NR6A1: variants seen among roughly 807,000 people sequenced by gnomAD.
NR6A1 encodes the protein retinoic acid receptor-related testis-associated receptor.
In NR6A1, 7 loss-of-function variants were observed where a neutral mutation model predicts 59.1. The observed-to-expected ratio is 0.12, with a 90% CI of 0.07 to 0.22. The LOEUF (loss-of-function observed/expected upper bound fraction) is 0.22, where lower values mean the gene tolerates loss of function less well. NR6A1 is among the 10% of genes least tolerant of loss of function. The probability of loss-of-function intolerance (pLI) is 1.00; values close to 1 mark genes in which losing one functional copy is unlikely to be tolerated. For synonymous variants in NR6A1, 243 were observed against 236.1 expected (o/e 1.03, Z -0.27); for missense variants, 468 against 611.6 (o/e 0.77, Z 2.48).
At chr9:124,683,524 T>C (rs1371816583) in intron 2 of NR6A1, among the ~76,000 whole-genome samples, 2 of 152,250 alleles carry the variant, frequency 1.3e-5, no homozygotes, top group Non-Finnish European at 2.9e-5. Flanking sequence ...CCGGGTGTGG[T>C]GGCTCATGCC....
chr9:124,732,897 A>G (rs771222850), intron 2 of NR6A1, among the ~76,000 whole-genome samples: 22 of 152,048 alleles, frequency 1.4e-4, no homozygotes, highest in Non-Finnish European at 2.9e-4. Flanking sequence ...GGGTTTCACT[A>G]TGTTGGCCAA....
intron 2 of NR6A1, chr9:124,598,708 T>C (rs1390850848): frequency 1.4e-6 from 1 of 733,798 alleles, no homozygotes; most frequent in Non-Finnish European, 2.2e-6. Flanking sequence ...AGACGATTTA[T>C]TGTTTCTCCT....
At chr9:124,632,961 A>G (rs994557869) in intron 2 of NR6A1, among the ~76,000 whole-genome samples, 2 of 152,218 alleles carry the variant, frequency 1.3e-5, no homozygotes, top group Non-Finnish European at 2.9e-5. Flanking sequence ...ACAATGCTCT[A>G]GATTATCTGA....
chr9:124,551,316 C>G (rs1003546895), intron 3 of NR6A1, among the ~76,000 whole-genome samples: 1 of 152,190 alleles, frequency 6.6e-6, no homozygotes, highest in Non-Finnish European at 1.5e-5. Flanking sequence ...ATTTTTAAAT[C>G]TATCTGAAAC....
chr9:124,628,722 C>T (rs1298727477), intron 2 of NR6A1, among the ~76,000 whole-genome samples: 2 of 151,846 alleles, frequency 1.3e-5, no homozygotes, highest in African/African-American at 2.4e-5. Context: ...CTCACTGCAA[C>T]CTCCGCCTCC....
intron 6 of NR6A1, among the ~76,000 whole-genome samples, chr9:124,537,618 T>C (rs994710454): frequency 2.6e-5 from 4 of 152,124 alleles, no homozygotes; most frequent in Non-Finnish European, 5.9e-5. Flanking sequence ...GACTAAAGAC[T>C]GAAAGAATAC....
chr9:124,735,789 G>C (rs1263092312), intron 1 of NR6A1, among the ~76,000 whole-genome samples: 1 of 152,186 alleles, frequency 6.6e-6, no homozygotes, highest in Non-Finnish European at 1.5e-5. Context: ...AGATCAAGAT[G>C]CTGGTAGATT....
chr9:124,666,952 T>C (rs1837640276), intron 2 of NR6A1, among the ~76,000 whole-genome samples: 1 of 152,184 alleles, frequency 6.6e-6, no homozygotes, highest in South Asian at 2.1e-4. Context: ...TTTGCCTGTG[T>C]CTAGCATAGC....
chr9:124,680,891 G>A (rs1210022745), intron 2 of NR6A1, among the ~76,000 whole-genome samples: 2 of 152,154 alleles, frequency 1.3e-5, no homozygotes, highest in African/African-American at 2.4e-5. Context: ...GTCAATGCTG[G>A]GTTAAACTGC....
At chr9:124,535,822 C>G in intron 7 of NR6A1, 56 bp downstream of exon 7, 1 of 1,599,406 alleles carries the variant, frequency 6.3e-7, no homozygotes, top group Non-Finnish European at 8.5e-7. Context: ...CTCTGCCTTA[C>G]AGGGATGACA....
intron 2 of NR6A1, among the ~76,000 whole-genome samples, chr9:124,687,994 A>G (rs1235686071): frequency 6.6e-6 from 1 of 152,214 alleles, no homozygotes; most frequent in African/African-American, 2.4e-5. Flanking sequence ...GACAGTAACA[A>G]TAACTGATAA....
intron 2 of NR6A1, among the ~76,000 whole-genome samples, chr9:124,680,235 C>G (rs1838103065): frequency 6.6e-6 from 1 of 152,094 alleles, no homozygotes; most frequent in African/African-American, 2.4e-5. Flanking sequence ...CACTATTAAC[C>G]TCTGCATCTG....
At chr9:124,583,846 A>G (rs534496283) in intron 2 of NR6A1, among the ~76,000 whole-genome samples, 58 of 152,082 alleles carry the variant, frequency 3.8e-4, no homozygotes, top group African/African-American at 1.3e-3. Context: ...ACAAATGAGC[A>G]CTCTGCCCTC....
intron 7 of NR6A1, among the ~76,000 whole-genome samples, chr9:124,529,574 C>T (rs1051057362): frequency 8.5e-5 from 13 of 152,198 alleles, no homozygotes. Context: ...TAATTCCAAG[C>T]ATATGGACTT....
At position 124,521,837 on chromosome 9, in the gene NR6A1, C is replaced by G. The variant is rs1197704685; in HGVS notation, c.*868G>C. 6.6e-6 allele frequency: 1 copy of G among 152,208 alleles called. No homozygotes were observed. The highest frequency in any genetic ancestry group is 1.9e-4 in the East Asian group (1 of 5,186). The allele number at this position is 152,208 out of a possible 1,614,324, so 9.4% of individuals were successfully genotyped here. A position where few individuals can be genotyped will look rare whatever the true frequency, so the allele number is the denominator to read the frequency against. ...GAGTGGGAAGGAGGAAGGTGGGCCT[C>G]AGGAGATCCAGGTAAGGAAACTAGG... On this transcript the variant is annotated 3_prime_UTR_variant, in exon 10 of 10. Coordinates refer to ENST00000487099, the MANE Select transcript of NR6A1 (RefSeq NM_033334.4).
At chr9:124,758,307 C>T (rs1362697950) in intron 1 of NR6A1, among the ~76,000 whole-genome samples, 1 of 152,176 alleles carries the variant, frequency 6.6e-6, no homozygotes, top group Admixed American at 6.5e-5. Context: ...GCTGGGTTCC[C>T]TTTTTACAGA....
Position 124,520,570 on chromosome 9 carries a change from A to G in NR6A1, c.*2135T>C, listed in dbSNP as rs1312724608. ...GGGTAAAATGTTTAATTTGAAAAGC[A>G]ATTTCAAAAATAATAATTGGACAGA... On this transcript the variant is annotated 3_prime_UTR_variant, in exon 10 of 10. Coordinates refer to ENST00000487099, the MANE Select transcript of NR6A1 (RefSeq NM_033334.4). 11 of 152,364 alleles carry G rather than the reference A, an allele frequency of 7.2e-5. No homozygotes were observed. The highest frequency in any genetic ancestry group is 3.9e-4 in the Admixed American group (6 of 15,308). The allele number at this position is 152,364 out of a possible 1,614,324, so 9.4% of individuals were successfully genotyped here. A position where few individuals can be genotyped will look rare whatever the true frequency, so the allele number is the denominator to read the frequency against.
At chr9:124,554,630 A>G in intron 2 of NR6A1, 60 bp from the exon 3 acceptor site, 1 of 1,606,990 alleles carries the variant, frequency 6.2e-7, no homozygotes, top group Non-Finnish European at 8.5e-7. Flanking sequence ...CAGTTCCTAA[A>G]GTGAGCAACT....
intron 2 of NR6A1, among the ~76,000 whole-genome samples, chr9:124,624,533 G>C (rs1314297781): frequency 6.6e-6 from 1 of 152,122 alleles, no homozygotes; most frequent in Non-Finnish European, 1.5e-5. Flanking sequence ...TCCCTGCTTA[G>C]CCTGAGAATG....
Sources: allele counts gnomAD v4.1 joint callset (sites outside exome capture counted in the v4.1 genomes callset), GRCh38; gene constraint gnomAD v4.1.1; transcripts MANE v1.5; gene names NCBI Gene and HGNC (gene_info 2026-07-23, HGNC 2026-07-21).